Variants in PRKCB observed in about 807,000 individuals in gnomAD.
PRKCB encodes the protein protein kinase C beta type.
A neutral mutation model predicts 81.5 loss-of-function variants in PRKCB; 13 were observed. The ratio of observed to expected loss-of-function variants is 0.16; its 90% confidence interval spans 0.10 to 0.25. The LOEUF is 0.25. Among genes scored for constraint, PRKCB ranks in the 10% least tolerant of loss-of-function variants. The pLI, the probability that PRKCB is intolerant of heterozygous loss-of-function variation, is 1.00. For synonymous variants in PRKCB, 335 were observed against 321.4 expected, an observed-to-expected ratio of 1.04 and a Z score of -0.45; for missense variants, 509 against 875.7, an observed-to-expected ratio of 0.58 and a Z score of 5.29.
intron 8 of PRKCB, among the ~76,000 whole-genome samples, chr16:24,118,410 T>C (rs1192942523): frequency 6.6e-6 from 1 of 152,244 alleles, no homozygotes; most frequent in Non-Finnish European, 1.5e-5. Flanking sequence ...ACATCCTCTT[T>C]CTGGGCTTTG....
At chr16:23,892,359 C>T (rs1963308690) in intron 2 of PRKCB, among the ~76,000 whole-genome samples, 1 of 152,158 alleles carries the variant, frequency 6.6e-6, no homozygotes, top group Admixed American at 6.5e-5. Context: ...CTTCAGGATG[C>T]AGTATCAGCT....
chr16:23,899,047 C>T (rs1240467947), intron 2 of PRKCB, among the ~76,000 whole-genome samples: 3 of 152,096 alleles, frequency 2.0e-5, no homozygotes, highest in East Asian at 1.9e-4. Flanking sequence ...AGAAAAAGTT[C>T]GTGTTGCATC....
intron 3 of PRKCB, among the ~76,000 whole-genome samples, chr16:24,001,726 A>C (rs944855341): frequency 6.6e-6 from 1 of 152,220 alleles, no homozygotes; most frequent in Non-Finnish European, 1.5e-5. Flanking sequence ...ATTTTAGAGC[A>C]ACGAAGAATT....
rs572584657 is a variant in PRKCB, at chr16:24,022,646, C to T, written c.289-9490C>T. On this transcript the variant is annotated intron_variant, in intron 3 of 16. Coordinates refer to ENST00000643927, the MANE Select transcript of PRKCB (RefSeq NM_002738.7). ...AGCTGGGACTAGAGGTGCATGCCGC[C>T]ACGCCCGGCTAATTCTTTTTGTATT... 3.3e-5 allele frequency among the ~76,000 whole-genome samples: 5 copies of T among 152,206 alleles called. No individual in the cohort carries two copies. The South Asian group carries it at 1.0e-3, about 32-fold the overall frequency.
At chr16:23,909,827 C>T (rs1963622266) in intron 2 of PRKCB, among the ~76,000 whole-genome samples, 1 of 152,080 alleles carries the variant, frequency 6.6e-6, no homozygotes, top group South Asian at 2.1e-4. Flanking sequence ...TGTATATAGA[C>T]CACATTTGCT....
intron 2 of PRKCB, among the ~76,000 whole-genome samples, chr16:23,895,332 CA>C (rs1963361863): frequency 6.6e-6 from 1 of 152,140 alleles, no homozygotes. Flanking sequence ...TTTTTCCCCT[CA>C]AACAACCACC....
intron 1 of PRKCB, among the ~76,000 whole-genome samples, chr16:23,836,886 G>A (rs552638933): frequency 6.6e-6 from 1 of 151,886 alleles, no homozygotes; most frequent in South Asian, 2.1e-4. Flanking sequence ...CCCTCCCCGA[G>A]GGCCTGGGTT....
chr16:24,071,829 C>T (rs543100419), intron 5 of PRKCB, among the ~76,000 whole-genome samples: 78 of 152,046 alleles, frequency 5.1e-4, no homozygotes, highest in African/African-American at 1.7e-3. Flanking sequence ...TGGTGGGGGC[C>T]GAAGAGGGCG....
At chr16:24,157,138 G>C (rs150066579) in intron 10 of PRKCB, among the ~76,000 whole-genome samples, 4 of 152,028 alleles carry the variant, frequency 2.6e-5, no homozygotes, top group Non-Finnish European at 5.9e-5. Context: ...AGTAGGGGCT[G>C]GGTGTACATG....
intron 2 of PRKCB, among the ~76,000 whole-genome samples, chr16:23,938,452 G>C (rs1964091894): frequency 6.6e-6 from 1 of 152,182 alleles, no homozygotes; most frequent in East Asian, 1.9e-4. Flanking sequence ...AGCACTTCCA[G>C]TAATTAAACA....
chr16:24,122,722 AGT>A (rs1966814915), intron 8 of PRKCB, among the ~76,000 whole-genome samples: 1 of 145,206 alleles, frequency 6.9e-6, no homozygotes, highest in African/African-American at 2.5e-5. Context: ...AGCATCAAAA[AGT>A]GTTGGAATTG....
chr16:23,857,238 G>T (rs1336688267), intron 2 of PRKCB, among the ~76,000 whole-genome samples: 3 of 152,220 alleles, frequency 2.0e-5, no homozygotes, highest in Non-Finnish European at 4.4e-5. Flanking sequence ...CGGGTGAAGT[G>T]TCAGAGAGCT....
chr16:23,967,011 C>T (rs1208595783), intron 2 of PRKCB, among the ~76,000 whole-genome samples: 3 of 115,764 alleles, frequency 2.6e-5, no homozygotes, highest in Admixed American at 8.3e-5. Context: ...CAGTGGTTTC[C>T]ATTTTTTTTT....
At position 23,988,577 on chromosome 16, in the gene PRKCB, GT is replaced by G; in HGVS notation, c.276del (p.Pro93GlnfsTer38). On this transcript the variant is annotated frameshift_variant, in exon 3 of 17. Coordinates refer to ENST00000643927, the MANE Select transcript of PRKCB (RefSeq NM_002738.7). LOFTEE classifies it high-confidence loss of function. Reference protein sequence around the residue: ...VTFSCPGADKGPASDDPRSKH... With the variant: ...VTFSCPGADKXPASDDPRSKH... Reference sequence around the variant, plus strand: ...TTCTCCTGCCCTGGCGCTGACAAGGGTCCAGCCTCCGATGTAAGTAATGGGC... The same window carrying G: ...TTCTCCTGCCCTGGCGCTGACAAGGGCCAGCCTCCGATGTAAGTAATGGGC... 6.2e-7 allele frequency: 1 copy of G among 1,614,068 alleles called. No individual in the cohort carries two copies. The highest frequency in any genetic ancestry group is 8.5e-7 in the Non-Finnish European group (1 of 1,179,934).
rs1445640064 is a variant in PRKCB at position 23,873,185 on chromosome 16, CACACAAAA to C, written c.205+35781_205+35788del. On this transcript the variant is annotated intron_variant, in intron 2 of 16. Coordinates refer to ENST00000643927, the MANE Select transcript of PRKCB (RefSeq NM_002738.7). Reference sequence around the variant, plus strand: ...TCTACTAAAAACACACACACACACACACACAAAAAAAAAAAAAAAAAAAAGAAAAAAAA... The same window carrying C: ...TCTACTAAAAACACACACACACACACAAAAAAAAAAAAAAAAGAAAAAAAA... Among the ~76,000 whole-genome samples, 9 of 73,792 alleles carry C rather than the reference CACACAAAA, an allele frequency of 1.2e-4. No individual in the cohort carries two copies. In the South Asian group the frequency reaches 1.7e-3, roughly 14 times the overall value. 48.4% of individuals were successfully genotyped at this position (73,792 alleles called of 152,430 possible).
intron 9 of PRKCB, among the ~76,000 whole-genome samples, chr16:24,133,963 A>G (rs1966857592): frequency 6.7e-6 from 1 of 148,974 alleles, no homozygotes; most frequent in Non-Finnish European, 1.5e-5. Flanking sequence ...TGACGTGACC[A>G]TGGTTCGCTG....
chr16:23,943,819 T>C (rs1346844465), intron 2 of PRKCB, among the ~76,000 whole-genome samples: 1 of 152,222 alleles, frequency 6.6e-6, no homozygotes, highest in African/African-American at 2.4e-5. Flanking sequence ...TATTGTGGGC[T>C]TACTATGTGT....
intron 2 of PRKCB, among the ~76,000 whole-genome samples, chr16:23,894,361 G>T (rs1204715522): frequency 6.6e-6 from 1 of 152,178 alleles, no homozygotes; most frequent in African/African-American, 2.4e-5. Flanking sequence ...TCCCCAAAAT[G>T]GGAGTTTCTG....
chr16:24,197,506 G>C (rs1967897099), intron 16 of PRKCB, among the ~76,000 whole-genome samples: 1 of 152,074 alleles, frequency 6.6e-6, no homozygotes, highest in Non-Finnish European at 1.5e-5. Flanking sequence ...AAAGGAAAAG[G>C]GGGTGTGAGA....
Sources: allele counts gnomAD v4.1 joint callset (sites outside exome capture counted in the v4.1 genomes callset), GRCh38; gene constraint gnomAD v4.1.1; transcripts MANE v1.5; gene names NCBI Gene and HGNC (gene_info 2026-07-23, HGNC 2026-07-21).